The following ADGRL3 variants were observed in gnomAD, a reference collection of about 807,000 sequenced individuals.
ADGRL3 encodes adhesion G protein-coupled receptor L3, also known as calcium-independent alpha-latrotoxin receptor 3.
In ADGRL3, 62 loss-of-function variants were observed where a neutral mutation model predicts 153.5. That is an observed-to-expected ratio of 0.40 (90% CI 0.33 to 0.50). The LOEUF is 0.50. ADGRL3 is among the 20% of genes least tolerant of loss of function. The probability of loss-of-function intolerance (pLI) is 0.47; values close to 1 mark genes in which losing one functional copy is unlikely to be tolerated. For synonymous variants in ADGRL3, 710 were observed against 672.5 expected (o/e 1.06, Z -0.86); for missense variants, 1,641 against 1,859.4 (o/e 0.88, Z 2.16).
chr4:61,784,654 T>C (rs1290337779), intron 8 of ADGRL3, among the ~76,000 whole-genome samples: 3 of 152,108 alleles, frequency 2.0e-5, no homozygotes, highest in Non-Finnish European at 4.4e-5. Context: ...TTCATGCTAT[T>C]CCCATTTGGT....
intron 18 of ADGRL3, among the ~76,000 whole-genome samples, chr4:61,981,782 A>C (rs947734415): frequency 2.6e-5 from 4 of 152,178 alleles, no homozygotes; most frequent in Admixed American, 6.6e-5. Context: ...TCGCTTACTT[A>C]ATGCTGTTTT....
chr4:62,039,947 C>T (rs568118572), intron 24 of ADGRL3, among the ~76,000 whole-genome samples: 39 of 152,140 alleles, frequency 2.6e-4, no homozygotes, highest in African/African-American at 8.2e-4. Context: ...TACTACTTTA[C>T]GACAGAGTTG....
At chr4:61,933,482 C>T (rs185659681) in intron 13 of ADGRL3, among the ~76,000 whole-genome samples, 406 of 152,078 alleles carry the variant, frequency 2.7e-3, no homozygotes, top group South Asian at 4.2e-3. Flanking sequence ...TGTTTAAACT[C>T]GTGAGAGACT....
intron 8 of ADGRL3, among the ~76,000 whole-genome samples, chr4:61,789,297 G>GTA (rs2097313417): frequency 2.0e-5 from 3 of 151,778 alleles, no homozygotes; most frequent in African/African-American, 7.3e-5. Context: ...GTGTGTGTGT[G>GTA]TACACACACA....
At chr4:62,050,868 A>G (rs1733706120) in intron 25 of ADGRL3, among the ~76,000 whole-genome samples, 1 of 151,868 alleles carries the variant, frequency 6.6e-6, no homozygotes, top group Non-Finnish European at 1.5e-5. Flanking sequence ...TAATAATGTT[A>G]GCTATGCAAG....
intron 3 of ADGRL3, among the ~76,000 whole-genome samples, chr4:61,511,393 CT>C (rs2152873782): frequency 6.6e-6 from 1 of 152,216 alleles, no homozygotes; most frequent in African/African-American, 2.4e-5. Flanking sequence ...AAAAATGCTA[CT>C]GATTTTTGTA....
intron 5 of ADGRL3, among the ~76,000 whole-genome samples, chr4:61,587,887 A>G (rs2098952934): frequency 6.6e-6 from 1 of 152,062 alleles, no homozygotes; most frequent in Non-Finnish European, 1.5e-5. Context: ...TAGTAAGAGT[A>G]TTGATTAAGG....
intron 1 of ADGRL3, among the ~76,000 whole-genome samples, chr4:61,219,107 C>T (rs1211292120): frequency 6.6e-6 from 1 of 152,130 alleles, no homozygotes; most frequent in Non-Finnish European, 1.5e-5. Context: ...TCTTTCTGGC[C>T]TCAGCTGATT....
At chr4:61,233,725 T>C (rs1751700857) in intron 1 of ADGRL3, among the ~76,000 whole-genome samples, 1 of 151,788 alleles carries the variant, frequency 6.6e-6, no homozygotes, top group Non-Finnish European at 1.5e-5. Flanking sequence ...GTTCTACAAG[T>C]TTTTAGGAAG....
At chr4:61,784,010 G>T (rs1265347910) in intron 8 of ADGRL3, among the ~76,000 whole-genome samples, 3 of 152,020 alleles carry the variant, frequency 2.0e-5, no homozygotes, top group Non-Finnish European at 4.4e-5. Context: ...CTCACAAGTA[G>T]CTTGAATTAC....
At chr4:61,794,878 G>T (rs2097389069) in intron 8 of ADGRL3, among the ~76,000 whole-genome samples, 1 of 152,094 alleles carries the variant, frequency 6.6e-6, no homozygotes, top group Non-Finnish European at 1.5e-5. Flanking sequence ...GATCTTAACT[G>T]TAAATTATTT....
chr4:61,642,571 C>T (rs557558264), intron 5 of ADGRL3, among the ~76,000 whole-genome samples: 2 of 152,238 alleles, frequency 1.3e-5, no homozygotes, highest in East Asian at 3.9e-4. Flanking sequence ...TTGTTTTTGT[C>T]AGGTTCGTCA....
intron 3 of ADGRL3, among the ~76,000 whole-genome samples, chr4:61,499,331 T>TTGTTTCCC (rs1381538390): frequency 1.3e-5 from 2 of 152,210 alleles, no homozygotes; most frequent in Non-Finnish European, 2.9e-5. Flanking sequence ...TTAAGCAAAT[T>TTGTTTCCC]TGTTTAAAAT....
At chr4:62,059,422 A>G (rs999984911) in intron 25 of ADGRL3, among the ~76,000 whole-genome samples, 2 of 152,122 alleles carry the variant, frequency 1.3e-5, no homozygotes, top group Non-Finnish European at 2.9e-5. Context: ...TTCAGAAACA[A>G]TAATTACATT....
chr4:61,900,069 T>A (rs1380459052), intron 11 of ADGRL3, among the ~76,000 whole-genome samples: 1 of 152,168 alleles, frequency 6.6e-6, no homozygotes, highest in African/African-American at 2.4e-5. Flanking sequence ...GAGCACTGAC[T>A]TGAGGATCTT....
At position 61,675,845 on chromosome 4, in the gene ADGRL3, A is replaced by T. The variant is rs2095172568; in HGVS notation, c.474-981A>T. The stretch of plus-strand genomic sequence containing the variant: ...CTCTTTTATTTTTAAATGTACAATT[A>T]AATTACGTTTGACTGTAGTCACCCA... On this transcript the variant is annotated intron_variant, in intron 5 of 26. Transcript: ENST00000683033. Among the ~76,000 whole-genome samples the T allele has an allele frequency of 2.6e-5, 4 of 151,814 alleles. No homozygotes were observed. In the Admixed American group the frequency reaches 2.6e-4, roughly 10 times the overall value.
intron 1 of ADGRL3, among the ~76,000 whole-genome samples, chr4:61,369,167 A>G (rs917275427): frequency 3.7e-4 from 57 of 152,168 alleles, no homozygotes; most frequent in Non-Finnish European, 7.1e-4. Context: ...CAATCATGTC[A>G]TCTGCAAACA....
At chr4:61,282,635 T>G (rs943595421) in intron 1 of ADGRL3, among the ~76,000 whole-genome samples, 1 of 151,932 alleles carries the variant, frequency 6.6e-6, no homozygotes, top group African/African-American at 2.4e-5. Flanking sequence ...GATGCTAACT[T>G]TTTTTTACTA....
intron 4 of ADGRL3, among the ~76,000 whole-genome samples, chr4:61,532,762 A>C (rs1244173522): frequency 2.6e-5 from 4 of 151,870 alleles, no homozygotes; most frequent in African/African-American, 9.7e-5. Flanking sequence ...TAAAAAAAAA[A>C]AAAGGTCTCA....
Sources: allele counts gnomAD v4.1 joint callset (sites outside exome capture counted in the v4.1 genomes callset), GRCh38; gene constraint gnomAD v4.1.1; transcripts MANE v1.5; gene names NCBI Gene and HGNC (gene_info 2026-07-23, HGNC 2026-07-21).